Variants in WWOX observed in about 807,000 individuals in gnomAD.
WWOX encodes the protein WW domain containing oxidoreductase.
Under a neutral mutation model 46.2 loss-of-function variants are expected in WWOX, and 69 were observed. The observed-to-expected ratio is 1.49, with a 90% CI of 1.23 to 1.82. The LOEUF is 1.82. Ranked by LOEUF, WWOX falls within the 40% of genes most tolerant of loss-of-function variation. WWOX has a pLI of 0.00. For missense variants in WWOX, 919 were observed against 542.6 expected, an observed-to-expected ratio of 1.69 and a Z score of -6.89; for synonymous variants, 359 against 202.6, an observed-to-expected ratio of 1.77 and a Z score of -6.56.
intron 8 of WWOX, among the ~76,000 whole-genome samples, chr16:79,143,596 T>A (rs1002870392): frequency 6.6e-6 from 1 of 152,210 alleles, no homozygotes; most frequent in Non-Finnish European, 1.5e-5. Flanking sequence ...TTAGGGATGA[T>A]AAAAATTATG....
chr16:78,824,144 T>C (rs1386045392), intron 8 of WWOX, among the ~76,000 whole-genome samples: 2 of 152,210 alleles, frequency 1.3e-5, no homozygotes, highest in African/African-American at 4.8e-5. Flanking sequence ...TAAAAATCTA[T>C]TTGATTTTAA....
intron 8 of WWOX, among the ~76,000 whole-genome samples, chr16:78,459,464 T>C (rs1191660451): frequency 1.3e-5 from 2 of 152,244 alleles, no homozygotes; most frequent in Admixed American, 6.5e-5. Context: ...TTTCTTCCTT[T>C]TCTAACTATC....
intron 5 of WWOX, among the ~76,000 whole-genome samples, chr16:78,292,081 T>C (rs1049300966): frequency 8.8e-4 from 127 of 144,342 alleles, no homozygotes; most frequent in Non-Finnish European, 1.4e-3. Context: ...TTTTTTTTTT[T>C]CCCTTGAGAC....
rs138678594 is a variant in WWOX, at chr16:78,947,292, C to G, written c.1057-264316C>G. Among the ~76,000 whole-genome samples the G allele has an allele frequency of 1.6e-4, 24 of 152,300 alleles. 1 individual carries two copies. The highest frequency in any genetic ancestry group is 5.8e-4 in the African/African-American group (24 of 41,570). On this transcript the variant is annotated intron_variant, in intron 8 of 8. Transcript: ENST00000566780. ...TAGATTTTTAACTCCCTGTTTCTGC[C>G]TGAAGCAATAAAGGCAGGAACGCTG...
intron 8 of WWOX, chr16:79,016,028 C>G (rs760007222): frequency 1.3e-5 from 2 of 152,204 alleles, no homozygotes; most frequent in East Asian, 1.9e-4. Context: ...GGATTACAGA[C>G]GTAAGTCACC....
At chr16:78,994,681 T>C (rs777841089) in intron 8 of WWOX, among the ~76,000 whole-genome samples, 1 of 152,066 alleles carries the variant, frequency 6.6e-6, no homozygotes, top group African/African-American at 2.4e-5. Context: ...CACACTGTAA[T>C]AGACAGTGGG....
chr16:78,635,358 C>T (rs559619763), intron 8 of WWOX, among the ~76,000 whole-genome samples: 2 of 152,294 alleles, frequency 1.3e-5, no homozygotes, highest in Admixed American at 6.5e-5. Flanking sequence ...AGGCCACTCC[C>T]TTAGATCCTG....
In WWOX at chr16:78,721,522, G is replaced by A. The variant is rs372950909; in HGVS notation, c.1056+288770G>A. Among the ~76,000 whole-genome samples the A allele has an allele frequency of 4.1e-4, 62 of 152,306 alleles. 1 individual carries two copies. The highest frequency in any genetic ancestry group is 1.4e-3 in the African/African-American group (57 of 41,560). ...CTGGTGGCGGGGTTGTGGGCTGGGG[G>A]AACCAGAGTATTTGCTCTTCTTTAG... On this transcript the variant is annotated intron_variant, in intron 8 of 8. Transcript: ENST00000566780.
chr16:78,143,451 G>A (rs1324610538), intron 4 of WWOX, among the ~76,000 whole-genome samples: 1 of 152,114 alleles, frequency 6.6e-6, no homozygotes, highest in Admixed American at 6.5e-5. Flanking sequence ...CCAGCCCCCC[G>A]AGGCCCACTT....
intron 5 of WWOX, among the ~76,000 whole-genome samples, chr16:78,326,639 A>G (rs1019830502): frequency 7.1e-6 from 1 of 141,352 alleles, no homozygotes; most frequent in Admixed American, 7.7e-5. Context: ...AAAAGAACAT[A>G]AAGCATATTT....
chr16:78,881,038 C>G (rs1207370604), intron 8 of WWOX, among the ~76,000 whole-genome samples: 1 of 136,578 alleles, frequency 7.3e-6, no homozygotes, highest in Non-Finnish European at 1.5e-5. Context: ...TGTTGCCAGG[C>G]TGGAGTGTGG....
chr16:78,175,285 A>G (rs1343933967), intron 5 of WWOX, among the ~76,000 whole-genome samples: 1 of 152,124 alleles, frequency 6.6e-6, no homozygotes, highest in East Asian at 1.9e-4. Flanking sequence ...GCTATGCCCA[A>G]GGTTCTGAAG....
chr16:78,400,380 C>G (rs1348391028), intron 6 of WWOX, among the ~76,000 whole-genome samples: 1 of 152,152 alleles, frequency 6.6e-6, no homozygotes, highest in Admixed American at 6.5e-5. Flanking sequence ...TCCTGAGAGA[C>G]TGACAGGGCG....
At chr16:79,073,018 C>T (rs922229934) in intron 8 of WWOX, among the ~76,000 whole-genome samples, 1 of 152,104 alleles carries the variant, frequency 6.6e-6, no homozygotes, top group Non-Finnish European at 1.5e-5. Context: ...TTCATCAGCA[C>T]ACCCATATCT....
At chr16:78,616,923 C>T (rs3866638) in intron 8 of WWOX, among the ~76,000 whole-genome samples, 21,444 of 152,192 alleles carry the variant, frequency 0.14, 1,685 homozygotes, top group African/African-American at 0.2. Flanking sequence ...CACATTCAGA[C>T]CACAATAATG....
At chr16:78,487,268 A>T (rs1488821982) in intron 8 of WWOX, among the ~76,000 whole-genome samples, 2 of 150,678 alleles carry the variant, frequency 1.3e-5, no homozygotes, top group African/African-American at 4.9e-5. Flanking sequence ...GACAGGTGCT[A>T]GGTTTCCCTG....
chr16:78,427,542 G>GCACA (rs145433869), intron 7 of WWOX, among the ~76,000 whole-genome samples: 7,676 of 150,094 alleles, frequency 0.051, 273 homozygotes, highest in Non-Finnish European at 0.076. Flanking sequence ...ACGCACGCAC[G>GCACA]CACACACACA....
intron 4 of WWOX, among the ~76,000 whole-genome samples, chr16:78,121,794 T>A (rs1235983920): frequency 6.6e-6 from 1 of 151,994 alleles, no homozygotes; most frequent in Non-Finnish European, 1.5e-5. Context: ...CCTGAGTAGC[T>A]GGGATTACAG....
chr16:78,889,891 T>C (rs568890460), intron 8 of WWOX, among the ~76,000 whole-genome samples: 2 of 152,350 alleles, frequency 1.3e-5, no homozygotes, highest in Admixed American at 6.5e-5. Context: ...TTTCTATTAA[T>C]GTAAACTCCC....
Sources: allele counts gnomAD v4.1 joint callset (sites outside exome capture counted in the v4.1 genomes callset), GRCh38; gene constraint gnomAD v4.1.1; transcripts MANE v1.5; gene names NCBI Gene and HGNC (gene_info 2026-07-23, HGNC 2026-07-21).